The following NEAT1 variants were observed in gnomAD, a reference collection of about 807,000 sequenced individuals.
The protein encoded by NEAT1 is MENepsilon/beta.
exon 1 of NEAT1, chr11:65,425,410 G>C (rs1338744761): frequency 6.6e-6 from 1 of 152,222 alleles, no homozygotes; most frequent in African/African-American, 2.4e-5. Context: ...GTTTTGTTTG[G>C]GGTGTGGGTG....
chr11:65,429,453 C>G (rs1272670442), exon 1 of NEAT1: 1 of 151,790 alleles, frequency 6.6e-6, no homozygotes, highest in African/African-American at 2.4e-5. Context: ...GACTGAACAT[C>G]TCTACCTTGT....
At chr11:65,435,731 G>A (rs1322860127) in exon 1 of NEAT1, 4 of 152,162 alleles carry the variant, frequency 2.6e-5, no homozygotes, top group African/African-American at 7.2e-5. Context: ...CTCATGTGCC[G>A]TGGAACTGGG....
exon 1 of NEAT1, chr11:65,430,740 C>T (rs779006659): frequency 2.6e-5 from 4 of 152,134 alleles, no homozygotes; most frequent in Non-Finnish European, 2.9e-5. Context: ...CGGCAGTGAG[C>T]ACTTATGGTT....
chr11:65,429,101 G>A (rs149779488), exon 1 of NEAT1: 1 of 152,198 alleles, frequency 6.6e-6, no homozygotes, highest in East Asian at 1.9e-4. Flanking sequence ...GTTTCAATGG[G>A]CATACAGGGT....
At chr11:65,423,178 A>C (rs2134882798) in exon 1 of NEAT1, 1 of 153,626 alleles carries the variant, frequency 6.5e-6, no homozygotes, top group Non-Finnish European at 1.4e-5. Flanking sequence ...AGTCAGGAGG[A>C]ATAGGCCGCA....
exon 1 of NEAT1, chr11:65,444,415 T>A (rs1353694628): frequency 2.1e-6 from 1 of 470,570 alleles, no homozygotes; most frequent in Non-Finnish European, 4.4e-6. Context: ...TGGCCTGACA[T>A]GTGTGTCCCT....
chr11:65,432,052 C>T (rs1472965145), exon 1 of NEAT1: 1 of 152,256 alleles, frequency 6.6e-6, no homozygotes, highest in East Asian at 1.9e-4. Flanking sequence ...TATTTCTGTA[C>T]TCACCTTTCT....
chr11:65,432,938 C>T (rs561265639), exon 1 of NEAT1: 25 of 150,580 alleles, frequency 1.7e-4, no homozygotes, highest in African/African-American at 5.1e-4. Flanking sequence ...TGAGAACACA[C>T]AGTATTTGGT....
At chr11:65,437,195 G>GTATATATATATATATGTATATATATATA (rs1171212520) in exon 1 of NEAT1, 81 of 129,024 alleles carry the variant, frequency 6.3e-4, no homozygotes, top group African/African-American at 2.2e-3. Flanking sequence ...ATATATATAT[G>GTATATATATATATATGTATATATATATA]TATATATATA....
exon 1 of NEAT1, chr11:65,439,882 G>T (rs1565635919): frequency 6.6e-6 from 1 of 152,302 alleles, no homozygotes; most frequent in East Asian, 1.9e-4. Flanking sequence ...GTGTCTCTTT[G>T]TGTAGAATGT....
exon 1 of NEAT1, chr11:65,440,459 TCAAAAAAAAACAAAAACGA>T (rs1221431138): frequency 7.5e-6 from 1 of 133,206 alleles, no homozygotes; most frequent in African/African-American, 2.7e-5. Flanking sequence ...AGACGCTGTC[TCAAAAAAAAACAAAAACGA>T]CAAAAAAAAA....
exon 1 of NEAT1, chr11:65,439,684 A>AG (rs1369501312): frequency 6.6e-6 from 1 of 151,906 alleles, no homozygotes. Context: ...AAAAAAAAAA[A>AG]GTGACTTGAT....
At chr11:65,423,068 T>G (rs537639098) in exon 1 of NEAT1, 1 of 152,092 alleles carries the variant, frequency 6.6e-6, no homozygotes, top group Non-Finnish European at 1.5e-5. Context: ...GAGGGGGAAC[T>G]TGACCTCTGG....
exon 1 of NEAT1, chr11:65,440,071 A>G (rs1373304362): frequency 6.6e-6 from 1 of 152,204 alleles, no homozygotes; most frequent in Admixed American, 6.5e-5. Flanking sequence ...AGCCTGGGCA[A>G]CATAGTGATA....
exon 1 of NEAT1, chr11:65,437,686 T>A (rs1021064243): frequency 6.6e-5 from 10 of 152,104 alleles, no homozygotes; most frequent in Non-Finnish European, 1.5e-4. Context: ...TCACGTCTAT[T>A]TAATTTGACT....
exon 1 of NEAT1, chr11:65,434,852 T>C (rs978943451): frequency 3.3e-5 from 5 of 152,230 alleles, no homozygotes; most frequent in African/African-American, 1.2e-4. Flanking sequence ...GTTGCCATCT[T>C]TGATCTATCA....
exon 1 of NEAT1, chr11:65,444,833 T>G: frequency 8.0e-6 from 2 of 250,118 alleles, no homozygotes; most frequent in South Asian, 3.9e-5. Context: ...CAGGAAGGAA[T>G]CCACAGCTGA....
chr11:65,429,497 CGTGTGTGTGTGT>C (rs35026443), exon 1 of NEAT1: 3 of 147,006 alleles, frequency 2.0e-5, no homozygotes, highest in South Asian at 2.1e-4. Flanking sequence ...TGTGTGTGTG[CGTGTGTGTGTGT>C]GTGTGTGTGT....
exon 1 of NEAT1, chr11:65,435,702 G>A (rs1314381909): frequency 6.6e-6 from 1 of 152,134 alleles, no homozygotes; most frequent in Admixed American, 6.5e-5. Flanking sequence ...TGCCAAAATA[G>A]AATAATGTTG....
Sources: gnomAD v4.1 joint callset for allele counts on GRCh38, gnomAD v4.1.1 for gene constraint, MANE v1.5 for transcripts, NCBI Gene and HGNC (gene_info 2026-07-23, HGNC 2026-07-21) for gene names.